MYT1L: variants seen among roughly 807,000 people sequenced by gnomAD.
MYT1L encodes the protein myelin transcription factor 1 like.
MYT1L carries 12 observed loss-of-function variants against 126.7 expected under a neutral mutation model. The ratio of observed to expected loss-of-function variants is 0.09; its 90% CI spans 0.06 to 0.15. The LOEUF is 0.15. Among genes scored for constraint, MYT1L ranks in the 10% least tolerant of loss-of-function variants. MYT1L has a pLI of 1.00. For missense variants in MYT1L, 979 were observed against 1,585.2 expected (o/e 0.62, Z 6.49); for synonymous variants, 541 against 604.2 (o/e 0.90, Z 1.53).
At chr2:1,981,065 AG>A (rs2060574518) in intron 5 of MYT1L, among the ~76,000 whole-genome samples, 1 of 152,194 alleles carries the variant, frequency 6.6e-6, no homozygotes, top group Non-Finnish European at 1.5e-5. Context: ...AGAAAAGAAC[AG>A]GGTAGATCTG....
At chr2:2,239,652 C>T (rs535556066) in intron 2 of MYT1L, among the ~76,000 whole-genome samples, 1 of 152,214 alleles carries the variant, frequency 6.6e-6, no homozygotes, top group Non-Finnish European at 1.5e-5. Context: ...ATTTCCAAAA[C>T]CTGCTCTCAT....
chr2:2,046,960 T>C (rs1388735603), intron 4 of MYT1L, among the ~76,000 whole-genome samples: 1 of 152,254 alleles, frequency 6.6e-6, no homozygotes, highest in Non-Finnish European at 1.5e-5. Context: ...GCTTTTCTGA[T>C]GTCAAATTCA....
At chr2:2,259,386 G>A in intron 2 of MYT1L, among the ~76,000 whole-genome samples, 1 of 126,338 alleles carries the variant, frequency 7.9e-6, no homozygotes, top group South Asian at 2.6e-4. Flanking sequence ...CTAAAACTTA[G>A]AGTATAATAA....
chr2:2,263,449 T>A (rs1332729559), intron 2 of MYT1L, among the ~76,000 whole-genome samples: 1 of 152,142 alleles, frequency 6.6e-6, no homozygotes, highest in Non-Finnish European at 1.5e-5. Context: ...GCCTGAACCG[T>A]GTGGCGCAGA....
At chr2:2,278,981 A>G (rs2095408162) in intron 2 of MYT1L, among the ~76,000 whole-genome samples, 2 of 152,040 alleles carry the variant, frequency 1.3e-5, no homozygotes, top group South Asian at 4.1e-4. Context: ...AGGCACCTTC[A>G]CTAGGGCTCT....
At chr2:2,179,104 C>T (rs1416624132) in intron 2 of MYT1L, among the ~76,000 whole-genome samples, 1 of 152,102 alleles carries the variant, frequency 6.6e-6, no homozygotes, top group Non-Finnish European at 1.5e-5. Context: ...GTACTGCGAA[C>T]GAACACCCAA....
Position 1,917,336 on chromosome 2 carries a change from G to A in MYT1L, c.1487C>T (p.Pro496Leu). The part of the protein sequence containing the change: ...HVKKPYYGKD[P>L]SRTEKKESKC... ...GCTCTCTTTCTTTTCTGTTCTTGAGGGATCTAAAAGCGACAACAGGTGCCA... is the reference window on the plus strand; with the variant it reads ...GCTCTCTTTCTTTTCTGTTCTTGAGAGATCTAAAAGCGACAACAGGTGCCA... The change falls in exon 11 of 25, where the codon CCC becomes CTC. Residue 496 changes from proline (P) to leucine (L), a missense_variant. Pro to Leu is a moderately conservative substitution (Grantham distance 98). Around this residue, in one of 12 missense-constraint regions of MYT1L, gnomAD observed 67 missense variants for 80.3 expected, o/e 0.83. Coordinates refer to ENST00000647738, the MANE Select transcript of MYT1L (RefSeq NM_001303052.2). This position sits in a 1 kb window ranked among gnomAD's most constrained non-coding sequence, Gnocchi z 5.9. 1.2e-6 allele frequency: 2 copies of A among 1,603,680 alleles called. No individual in the cohort carries two copies. The highest frequency in any genetic ancestry group is 1.7e-6 in the Non-Finnish European group (2 of 1,173,262).
intron 1 of MYT1L, among the ~76,000 whole-genome samples, chr2:2,294,890 A>G (rs1376401498): frequency 3.9e-5 from 6 of 152,234 alleles, no homozygotes; most frequent in African/African-American, 1.4e-4. Context: ...AGAAGCTAAC[A>G]TTCCGGGTGG....
In MYT1L at chr2:1,979,526, C is replaced by T. The variant is rs2060441747; in HGVS notation, c.84G>A (p.Leu28=). ...RVPVEPAIQE[L]FSCPTPGCDG... ...TTTACCCACATGGCACTAACCTGAA[C>T]AGCTCTTGTATGGCTGGTTCCACGG... Residue 28 remains leucine, a synonymous_variant, in exon 7 of 25, where the codon CTG becomes CTA. Coordinates refer to ENST00000647738, the MANE Select transcript of MYT1L (RefSeq NM_001303052.2). This position sits in a 1 kb window ranked among gnomAD's most constrained non-coding sequence, Gnocchi z 4.0. The T allele has an allele frequency of 6.2e-7, 1 of 1,613,812 alleles. No homozygotes were observed. Among genetic ancestry groups the T allele is most frequent in the Non-Finnish European group, 8.5e-7 (1 of 1,179,744 alleles).
At chr2:2,005,345 T>C (rs1325809855) in intron 4 of MYT1L, among the ~76,000 whole-genome samples, 10 of 151,032 alleles carry the variant, frequency 6.6e-5, no homozygotes, top group Non-Finnish European at 1.2e-4. Context: ...CCTGTGTGCC[T>C]TTCCTGCATG....
intron 4 of MYT1L, among the ~76,000 whole-genome samples, chr2:2,012,165 A>C (rs111945355): frequency 4.6e-5 from 7 of 152,210 alleles, no homozygotes; most frequent in African/African-American, 1.7e-4. Flanking sequence ...CCAAAATGGA[A>C]TCTCCTTAAA....
At chr2:2,276,785 T>C (rs1168310838) in intron 2 of MYT1L, among the ~76,000 whole-genome samples, 2 of 152,000 alleles carry the variant, frequency 1.3e-5, no homozygotes, top group Non-Finnish European at 2.9e-5. Context: ...TTTCTACTCC[T>C]CCTCATGATT....
At chr2:1,831,811 G>A (rs537153880) in intron 21 of MYT1L, among the ~76,000 whole-genome samples, 11 of 152,206 alleles carry the variant, frequency 7.2e-5, no homozygotes, top group Middle Eastern at 3.4e-3. Context: ...GTCACAAAAC[G>A]TGTGTGTCTC....
chr2:2,174,286 T>A (rs1400299758), intron 2 of MYT1L, among the ~76,000 whole-genome samples: 2 of 152,212 alleles, frequency 1.3e-5, no homozygotes, highest in Non-Finnish European at 2.9e-5. Flanking sequence ...CTATCTACAC[T>A]GGAAAATCTC....
At chr2:2,077,010 T>C (rs1367593709) in intron 3 of MYT1L, among the ~76,000 whole-genome samples, 1 of 152,048 alleles carries the variant, frequency 6.6e-6, no homozygotes, top group Non-Finnish European at 1.5e-5. Flanking sequence ...TATTATAAAA[T>C]AAATAACCAA....
chr2:2,186,142 C>T (rs2092150848), intron 2 of MYT1L, among the ~76,000 whole-genome samples: 1 of 136,124 alleles, frequency 7.3e-6, no homozygotes, highest in Admixed American at 7.2e-5. Flanking sequence ...GTGAGGGGGA[C>T]GCAGCCGGGC....
At position 2,038,612 on chromosome 2, in the gene MYT1L, G is replaced by A. The variant is rs193075690; in HGVS notation, c.-158+15366C>T. ...CCACCAAATATCTCCCCTTCAAATC[G>A]ATTTTTTATGTGTAGTCATCAGTCA... On this transcript the variant is annotated intron_variant, in intron 4 of 24. Transcript: ENST00000647738. Among the ~76,000 whole-genome samples, 224 of 152,154 alleles carry A rather than the reference G, an allele frequency of 1.5e-3. 1 individual carries two copies. Among genetic ancestry groups the A allele is most frequent in the African/African-American group, 5.0e-3 (206 of 41,520 alleles).
At chr2:2,307,948 A>G (rs1007418759) in intron 1 of MYT1L, among the ~76,000 whole-genome samples, 4 of 151,926 alleles carry the variant, frequency 2.6e-5, no homozygotes, top group African/African-American at 7.3e-5. Flanking sequence ...ACACTTCAGT[A>G]CACTCCACCT....
At chr2:2,302,944 T>G (rs894544517) in intron 1 of MYT1L, among the ~76,000 whole-genome samples, 8 of 152,166 alleles carry the variant, frequency 5.3e-5, no homozygotes, top group African/African-American at 1.9e-4. Context: ...GAGTCCCTTT[T>G]GCATAAATAC....
Sources: gnomAD v4.1 joint callset for allele counts (sites outside exome capture counted in the v4.1 genomes callset) on GRCh38, gnomAD v4.1.1 for gene constraint, gnomAD v4.1.1 regional missense constraint, Gnocchi (gnomAD v3.1) non-coding constraint, MANE v1.5 for transcripts, NCBI Gene and HGNC (gene_info 2026-07-23, HGNC 2026-07-21) for gene names.